Variants in TBC1D12 observed in about 807,000 individuals in gnomAD.
TBC1D12 encodes TBC1 domain family member 12, also known as TBC1 domain family, member 12.
A neutral mutation model predicts 86.7 loss-of-function variants in TBC1D12; 56 were observed. That is an observed-to-expected ratio of 0.65 (90% confidence interval 0.52 to 0.81). TBC1D12 has a LOEUF of 0.81. Among genes scored for constraint, TBC1D12 ranks in the 30% least tolerant of loss-of-function variants. The probability of loss-of-function intolerance (pLI) is 0.00; values close to 1 mark genes in which losing one functional copy is unlikely to be tolerated. For missense variants in TBC1D12, 1,023 were observed against 1,038.8 expected (o/e 0.98, Z 0.21); for synonymous variants, 421 against 411.7 (o/e 1.02, Z -0.27).
chr10:94,404,171 TC>T (rs1253102261), intron 1 of TBC1D12, among the ~76,000 whole-genome samples: 1 of 152,222 alleles, frequency 6.6e-6, no homozygotes, highest in African/African-American at 2.4e-5. Flanking sequence ...GTTTCAGTGG[TC>T]TTTATTAAAA....
chr10:94,488,386 CTTT>C (rs770258959), intron 3 of TBC1D12, among the ~76,000 whole-genome samples: 1 of 74,810 alleles, frequency 1.3e-5, no homozygotes, highest in African/African-American at 5.5e-5. Context: ...CCCAAGGGGT[CTTT>C]TTTTTTTTTT....
At chr10:94,488,551 C>T (rs1260133080) in intron 3 of TBC1D12, among the ~76,000 whole-genome samples, 15 of 150,648 alleles carry the variant, frequency 1.0e-4, no homozygotes, top group South Asian at 2.1e-4. Context: ...CCACCACACC[C>T]GGCTAATTTT....
In TBC1D12 at chr10:94,471,442, T is replaced by G. The variant is rs548240427; in HGVS notation, c.1096-3226T>G. On this transcript the variant is annotated intron_variant, in intron 2 of 12. Transcript: ENST00000225235. ...ATCCAAACTTTCAGTGGTTTCCCAT[T>G]TTGTTCATGATTAAGTCCAAATATT... 3.3e-5 allele frequency among the ~76,000 whole-genome samples: 5 copies of G among 152,344 alleles called. No homozygotes were observed. The South Asian group carries it at 8.3e-4, about 25-fold the overall frequency.
intron 1 of TBC1D12, among the ~76,000 whole-genome samples, chr10:94,423,892 C>G (rs2055112899): frequency 6.6e-6 from 1 of 152,104 alleles, no homozygotes; most frequent in Non-Finnish European, 1.5e-5. Context: ...TCAGATGACC[C>G]TTTCTGTCTG....
intron 12 of TBC1D12, among the ~76,000 whole-genome samples, chr10:94,532,478 G>A (rs1842457893): frequency 6.6e-6 from 1 of 152,090 alleles, no homozygotes; most frequent in Non-Finnish European, 1.5e-5. Context: ...CACTTGACTG[G>A]GCTTTATTTT....
chr10:94,506,777 G>A (rs1297835338), intron 6 of TBC1D12, among the ~76,000 whole-genome samples: 1 of 152,164 alleles, frequency 6.6e-6, no homozygotes, highest in African/African-American at 2.4e-5. Flanking sequence ...AAGCAAGATC[G>A]AGCATCTGTT....
chr10:94,403,664 G>GAGCCGC lies in TBC1D12; in HGVS notation c.971+85_971+86insCAGCCG, dbSNP rs1487088765. 20 of 1,385,644 alleles carry GAGCCGC rather than the reference G, an allele frequency of 1.4e-5. No homozygotes were observed. The African/African-American group carries it at 3.1e-4, about 21-fold the overall frequency. 85.8% of individuals were successfully genotyped at this position (1,385,644 alleles called of 1,614,324 possible). A position where few individuals can be genotyped will look rare whatever the true frequency, so the allele number is the denominator to read the frequency against. On this transcript the variant is annotated intron_variant, in intron 1 of 12. Coordinates refer to ENST00000225235, the MANE Select transcript of TBC1D12 (RefSeq NM_015188.2). Reference sequence around the variant, plus strand: ...GGGGTCTTGGTGGGAGTCGGAGCCGGAGCCGGAGCCGGAGCGGAGAGCTTG... The same window carrying GAGCCGC: ...GGGGTCTTGGTGGGAGTCGGAGCCGGAGCCGCAGCCGGAGCCGGAGCGGAGAGCTTG...
In TBC1D12 at chr10:94,410,288, G is replaced by T. The variant is rs571297341; in HGVS notation, c.971+6704G>T. On this transcript the variant is annotated intron_variant, in intron 1 of 12. Transcript: ENST00000225235. ...AGCTTTTCACTGCACACTATTTAGGGGCAGTATTTACAAGATTTAAAAACC... is the reference window on the plus strand; with the variant it reads ...AGCTTTTCACTGCACACTATTTAGGTGCAGTATTTACAAGATTTAAAAACC... Among the ~76,000 whole-genome samples, 8 of 152,222 alleles carry T rather than the reference G, an allele frequency of 5.3e-5. 1 individual carries two copies. The South Asian group carries it at 1.7e-3, about 32-fold the overall frequency.
rs1247238963 is a variant in TBC1D12 at position 94,447,686 on chromosome 10, A to G, written c.1095+5667A>G. 7 of 984,908 alleles carry G rather than the reference A, an allele frequency of 7.1e-6. No individual in the cohort carries two copies. The East Asian group carries it at 6.8e-4, about 96-fold the overall frequency. The allele number at this position is 984,908 out of a possible 1,614,324, so 61.0% of individuals were successfully genotyped here. A position where few individuals can be genotyped will look rare whatever the true frequency, so the allele number is the denominator to read the frequency against. ...GAACCAGTTGGTGAGCCGTGTTAAAAATTGAATCTGTTAATTATAAATAGT... is the reference window on the plus strand; with the variant it reads ...GAACCAGTTGGTGAGCCGTGTTAAAGATTGAATCTGTTAATTATAAATAGT... On this transcript the variant is annotated intron_variant, in intron 2 of 12. Transcript: ENST00000225235.
At chr10:94,428,307 A>T in intron 1 of TBC1D12, among the ~76,000 whole-genome samples, 1 of 139,932 alleles carries the variant, frequency 7.1e-6, no homozygotes. Context: ...TTTTTTTTTA[A>T]GACAGGGTCT....
At chr10:94,438,408 T>G (rs563959111) in intron 1 of TBC1D12, among the ~76,000 whole-genome samples, 3 of 117,258 alleles carry the variant, frequency 2.6e-5, no homozygotes, top group African/African-American at 1.0e-4. Flanking sequence ...AGGTTTTACC[T>G]TTTTTATTGT....
intron 7 of TBC1D12, chr10:94,509,816 T>C (rs1564984167): frequency 6.0e-6 from 2 of 331,622 alleles, no homozygotes; most frequent in Middle Eastern, 9.2e-4. Context: ...ATTTTTTTCC[T>C]AGTTGTTACC....
intron 1 of TBC1D12, among the ~76,000 whole-genome samples, chr10:94,437,338 T>G (rs756821831): frequency 1.3e-5 from 2 of 152,176 alleles, no homozygotes; most frequent in East Asian, 3.9e-4. Flanking sequence ...TTTTCTTTTT[T>G]TTTTTGAGAC....
intron 3 of TBC1D12, among the ~76,000 whole-genome samples, chr10:94,483,041 T>TC (rs1368083941): frequency 2.4e-4 from 35 of 145,286 alleles, no homozygotes; most frequent in Admixed American, 7.5e-4. Flanking sequence ...TTCTTCTTCT[T>TC]TTTTTTTTTT....
At chr10:94,459,225 A>C (rs1387504731) in intron 2 of TBC1D12, among the ~76,000 whole-genome samples, 1 of 152,146 alleles carries the variant, frequency 6.6e-6, no homozygotes, top group Admixed American at 6.5e-5. Context: ...AGCTAGACAC[A>C]AAAGTTCGCC....
rs1483370924 is a variant in TBC1D12, at chr10:94,531,871, G to GTTATA, written c.2259+415_2259+416insATTAT. Among the ~76,000 whole-genome samples, 4 of 110,902 alleles carry GTTATA rather than the reference G, an allele frequency of 3.6e-5. No individual in the cohort carries two copies. In the Admixed American group the frequency reaches 4.0e-4, roughly 11 times the overall value. 72.8% of individuals were successfully genotyped at this position (110,902 alleles called of 152,430 possible). A position where few individuals can be genotyped will look rare whatever the true frequency, so the allele number is the denominator to read the frequency against. On this transcript the variant is annotated intron_variant, in intron 12 of 12. Coordinates refer to ENST00000225235, the MANE Select transcript of TBC1D12 (RefSeq NM_015188.2). ...TATGTTATTTTATTTTATATGTTAT[G>GTTATA]TTATGTTATGTTATGTTATGTTATG...
intron 1 of TBC1D12, among the ~76,000 whole-genome samples, chr10:94,421,461 T>C (rs928351689): frequency 4.6e-5 from 7 of 152,246 alleles, no homozygotes; most frequent in African/African-American, 1.4e-4. Flanking sequence ...ATCTTGACCA[T>C]TGTGAATAAT....
intron 1 of TBC1D12, among the ~76,000 whole-genome samples, chr10:94,407,876 G>A (rs546333075): frequency 2.3e-4 from 35 of 152,208 alleles, no homozygotes; most frequent in Admixed American, 7.2e-4. Flanking sequence ...TGAAACAGGA[G>A]GATTGCCTGA....
intron 1 of TBC1D12, among the ~76,000 whole-genome samples, chr10:94,414,495 G>A (rs924726234): frequency 1.3e-5 from 2 of 152,034 alleles, no homozygotes; most frequent in African/African-American, 4.8e-5. Context: ...GTGCCTTTGT[G>A]GATGTTTCTA....
Sources: gnomAD v4.1 joint callset for allele counts (sites outside exome capture counted in the v4.1 genomes callset) on GRCh38, gnomAD v4.1.1 for gene constraint, MANE v1.5 for transcripts, NCBI Gene and HGNC (gene_info 2026-07-23, HGNC 2026-07-21) for gene names.